The following EYS variants were observed in gnomAD, a reference collection of about 807,000 sequenced individuals.
EYS encodes protein eyes shut homolog.
In EYS, 250 loss-of-function variants were observed where a neutral mutation model predicts 282.1. The observed-to-expected ratio is 0.89, with a 90% CI of 0.80 to 0.98. The LOEUF (loss-of-function observed/expected upper bound fraction) is 0.98. Among genes scored for constraint, EYS ranks in the 50% least tolerant of loss-of-function variants. EYS has a pLI of 0.00. For synonymous variants in EYS, 1,355 were observed against 1,282.9 expected (o/e 1.06, Z -1.20); for missense variants, 4,016 against 3,709.0 (o/e 1.08, Z -2.15).
chr6:65,078,985 C>T (rs1774143597), intron 12 of EYS, among the ~76,000 whole-genome samples: 1 of 151,682 alleles, frequency 6.6e-6, no homozygotes, highest in Non-Finnish European at 1.5e-5. Context: ...CTTCATGCGT[C>T]CTCCCCAGAA....
Position 64,728,199 on chromosome 6 carries a change from C to A in EYS, c.3443+85179G>T, listed in dbSNP as rs371457583. 6.1e-4 allele frequency among the ~76,000 whole-genome samples: 93 copies of A among 152,134 alleles called. 3 individuals are homozygous for A. The South Asian group carries it at 0.015, about 24-fold the overall frequency. ...CTGTGGCAGTGTCTAGTGAGGAGTA[C>A]CCATGACCCCTGAAGCCCCAGAGGA... On this transcript the variant is annotated intron_variant, in intron 22 of 42. Transcript: ENST00000503581.
chr6:64,450,960 G>A (rs1042606869), intron 26 of EYS, among the ~76,000 whole-genome samples: 1 of 152,008 alleles, frequency 6.6e-6, no homozygotes, highest in African/African-American at 2.4e-5. Flanking sequence ...GGAGAAGCAA[G>A]AGCAAACACA....
chr6:65,367,308 A>G (rs1764949152), intron 8 of EYS, among the ~76,000 whole-genome samples: 1 of 151,716 alleles, frequency 6.6e-6, no homozygotes, highest in African/African-American at 2.4e-5. Context: ...GATCCAAAAC[A>G]TAATATGAAA....
intron 14 of EYS, among the ~76,000 whole-genome samples, chr6:64,963,337 C>T (rs1333109736): frequency 1.3e-5 from 2 of 151,970 alleles, no homozygotes; most frequent in African/African-American, 4.8e-5. Context: ...ACTTCTTGAC[C>T]AGGATGTAGT....
At chr6:63,727,731 A>ATATATATAT (rs1193647054) in intron 41 of EYS, among the ~76,000 whole-genome samples, 3 of 58,446 alleles carry the variant, frequency 5.1e-5, no homozygotes, top group South Asian at 5.5e-4. Flanking sequence ...AAAAAAAAAA[A>ATATATATAT]AAAAAAATAT....
chr6:63,977,440 G>C (rs1766891818), intron 35 of EYS, among the ~76,000 whole-genome samples: 1 of 151,942 alleles, frequency 6.6e-6, no homozygotes, highest in Non-Finnish European at 1.5e-5. Context: ...ATCGCAACTT[G>C]TTTTCCCTTC....
chr6:64,229,246 G>T (rs998953053), intron 31 of EYS, among the ~76,000 whole-genome samples: 12 of 152,236 alleles, frequency 7.9e-5, no homozygotes, highest in African/African-American at 2.6e-4. Flanking sequence ...TTGCACTCCA[G>T]CCTGGGCGGC....
Position 64,601,017 on chromosome 6 carries a change from C to G in EYS, c.3685-7708G>C, listed in dbSNP as rs540434421. Among the ~76,000 whole-genome samples the G allele has an allele frequency of 3.9e-5, 6 of 152,130 alleles. No individual in the cohort carries two copies. In the South Asian group the frequency reaches 1.2e-3, roughly 32 times the overall value. The stretch of plus-strand genomic sequence containing the variant: ...CACAGTTTTTGATCTTCATCTTATT[C>G]AAATCATCTACATACTTAACTACCA... On this transcript the variant is annotated intron_variant, in intron 24 of 42. Coordinates refer to ENST00000503581, the MANE Select transcript of EYS (RefSeq NM_001142800.2).
chr6:65,427,003 G>T (rs1220182452), intron 5 of EYS, among the ~76,000 whole-genome samples: 1 of 151,998 alleles, frequency 6.6e-6, no homozygotes, highest in Non-Finnish European at 1.5e-5. Context: ...GAATGTGTGT[G>T]TTGTATATCT....
intron 29 of EYS, among the ~76,000 whole-genome samples, chr6:64,317,951 C>G (rs991843804): frequency 6.6e-6 from 1 of 151,890 alleles, no homozygotes; most frequent in African/African-American, 2.4e-5. Context: ...CACTGTATGT[C>G]CTCACTCATA....
chr6:63,784,571 G>A (rs1409094925), intron 39 of EYS, among the ~76,000 whole-genome samples: 1 of 152,076 alleles, frequency 6.6e-6, no homozygotes, highest in Non-Finnish European at 1.5e-5. Context: ...GAGGAAGGAG[G>A]TATGTCTTAC....
At chr6:65,105,202 T>C (rs1265979298) in intron 12 of EYS, among the ~76,000 whole-genome samples, 1 of 151,734 alleles carries the variant, frequency 6.6e-6, no homozygotes, top group East Asian at 1.9e-4. Context: ...TTACTAAACA[T>C]GCAAAAATCA....
intron 31 of EYS, among the ~76,000 whole-genome samples, chr6:64,199,262 G>A (rs1212313613): frequency 6.6e-6 from 1 of 152,084 alleles, no homozygotes; most frequent in Non-Finnish European, 1.5e-5. Flanking sequence ...CAGAACAGTG[G>A]CCTCAGAAAT....
chr6:65,387,411 ATATT>A (rs1765842653), intron 7 of EYS, among the ~76,000 whole-genome samples: 1 of 151,900 alleles, frequency 6.6e-6, no homozygotes, highest in African/African-American at 2.4e-5. Flanking sequence ...CAGTGAAACA[ATATT>A]TACTACATTT....
chr6:64,689,800 T>C (rs1180334355), intron 22 of EYS, among the ~76,000 whole-genome samples: 5 of 152,146 alleles, frequency 3.3e-5, no homozygotes, highest in African/African-American at 1.2e-4. Context: ...CTGGATCCCT[T>C]CCTTACACCT....
intron 1 of EYS, among the ~76,000 whole-genome samples, chr6:65,646,564 A>G (rs576077906): frequency 6.6e-6 from 1 of 152,202 alleles, no homozygotes; most frequent in Non-Finnish European, 1.5e-5. Flanking sequence ...CACAGCCAAC[A>G]TTATACTGCA....
chr6:65,104,152 AGTAT>A (rs1774969665), intron 12 of EYS, among the ~76,000 whole-genome samples: 1 of 151,448 alleles, frequency 6.6e-6, no homozygotes, highest in Admixed American at 6.6e-5. Flanking sequence ...AAGATGCTTA[AGTAT>A]TAAACATTGG....
chr6:63,733,457 A>AG (rs1272719886), intron 41 of EYS, among the ~76,000 whole-genome samples: 1 of 151,632 alleles, frequency 6.6e-6, no homozygotes, highest in Non-Finnish European at 1.5e-5. Flanking sequence ...CCCCTCTAGT[A>AG]GACCCCAGTG....
intron 42 of EYS, among the ~76,000 whole-genome samples, chr6:63,726,298 C>T (rs1483928640): frequency 6.6e-6 from 1 of 152,132 alleles, no homozygotes; most frequent in Non-Finnish European, 1.5e-5. Flanking sequence ...TGAGCATATA[C>T]TATATTTAGA....
Sources: allele counts gnomAD v4.1 joint callset (sites outside exome capture counted in the v4.1 genomes callset), GRCh38; gene constraint gnomAD v4.1.1; transcripts MANE v1.5; gene names NCBI Gene and HGNC (gene_info 2026-07-23, HGNC 2026-07-21).